NKD1: variants seen among roughly 807,000 people sequenced by gnomAD.
NKD1 encodes the protein protein naked cuticle homolog 1.
A neutral mutation model predicts 56.0 loss-of-function variants in NKD1; 21 were observed. The observed-to-expected ratio is 0.38, with a 90% CI of 0.27 to 0.54. The LOEUF (loss-of-function observed/expected upper bound fraction) is 0.54, where lower values mean the gene tolerates loss of function less well. Ranked by LOEUF, NKD1 falls within the 20% of genes least tolerant of loss-of-function variation. The pLI is 0.82. For synonymous variants in NKD1, 263 were observed against 265.7 expected, an observed-to-expected ratio of 0.99 and a Z score of 0.10; for missense variants, 578 against 642.7, an observed-to-expected ratio of 0.90 and a Z score of 1.09.
At chr16:50,558,755 A>G (rs1461974442) in intron 3 of NKD1, 1 of 152,172 alleles carries the variant, frequency 6.6e-6, no homozygotes, top group East Asian at 1.9e-4. Context: ...AGAAAGAAAA[A>G]AAAAATAGCC....
rs541213318 is a variant in NKD1 at position 50,598,264 on chromosome 16, C to T, written c.193-10030C>T. Among the ~76,000 whole-genome samples, 60 of 102,404 alleles carry T rather than the reference C, an allele frequency of 5.9e-4. No homozygotes were observed. Among genetic ancestry groups the T allele is most frequent in the African/African-American group, 1.4e-3 (27 of 19,278 alleles). 67.2% of individuals were successfully genotyped at this position (102,404 alleles called of 152,430 possible). Reference sequence around the variant, plus strand: ...GTGTGTGTGTGTGTGTGTGTGTGTGCGCGCACACCTGTGCTCATGGACACT... The same window carrying T: ...GTGTGTGTGTGTGTGTGTGTGTGTGTGCGCACACCTGTGCTCATGGACACT... On this transcript the variant is annotated intron_variant, in intron 3 of 9. Coordinates refer to ENST00000268459, the MANE Select transcript of NKD1 (RefSeq NM_033119.5). The surrounding 1 kb of genome is among the most constrained non-coding windows in gnomAD (Gnocchi z 4.2).
At chr16:50,587,818 T>C (rs1353372981) in intron 3 of NKD1, among the ~76,000 whole-genome samples, 3 of 152,062 alleles carry the variant, frequency 2.0e-5, no homozygotes, top group African/African-American at 7.2e-5. Flanking sequence ...AAATCAGCAG[T>C]GGTATTAGAT....
At chr16:50,548,691 G>A (rs1383909293) in intron 1 of NKD1, 26 bp from the exon 2 acceptor site, 2 of 1,463,490 alleles carry the variant, frequency 1.4e-6, no homozygotes, top group East Asian at 3.0e-5. Context: ...TGCCGCCGCC[G>A]CCGCCGCCTC....
intron 3 of NKD1, chr16:50,572,921 G>T: frequency 1.0e-6 from 1 of 976,166 alleles, no homozygotes; most frequent in Non-Finnish European, 1.2e-6. Flanking sequence ...TGCAGAAGAG[G>T]GTGGGAGAGT....
chr16:50,610,173 A>G (rs953886249), intron 4 of NKD1, among the ~76,000 whole-genome samples: 8 of 152,246 alleles, frequency 5.3e-5, no homozygotes, highest in African/African-American at 7.2e-5. Flanking sequence ...TCTATTATCA[A>G]TAATTCAAAA....
At position 50,639,035 on chromosome 16, in the gene NKD1, C is replaced by T. The variant is rs930331283; in HGVS notation, c.*5254C>T. On this transcript the variant is annotated 3_prime_UTR_variant, in exon 10 of 10. Transcript: ENST00000268459. Reference sequence around the variant, plus strand: ...GTCGGGGAGGCAGAGGGGATGCTCACACCAGTAATTCTCATCCCCTGAATG... The same window carrying T: ...GTCGGGGAGGCAGAGGGGATGCTCATACCAGTAATTCTCATCCCCTGAATG... 4 of 152,374 alleles carry T rather than the reference C, an allele frequency of 2.6e-5. No homozygotes were observed. The highest frequency in any genetic ancestry group is 9.6e-5 in the African/African-American group (4 of 41,564). 9.4% of individuals were successfully genotyped at this position (152,374 alleles called of 1,614,324 possible). A position where few individuals can be genotyped will look rare whatever the true frequency, so the allele number is the denominator to read the frequency against.
chr16:50,648,704 A>G lies in NKD1; in HGVS notation c.*14923A>G, dbSNP rs967565916. 6.6e-5 allele frequency: 10 copies of G among 152,182 alleles called. No homozygotes were observed. The highest frequency in any genetic ancestry group is 2.2e-4 in the African/African-American group (9 of 41,442). The allele number at this position is 152,182 out of a possible 1,614,324, so 9.4% of individuals were successfully genotyped here. ...AGTTCTCAGACTCCTTCGCAAATAAATTTTGTGACTAAACTCTAGTCAACA... is the reference window on the plus strand; with the variant it reads ...AGTTCTCAGACTCCTTCGCAAATAAGTTTTGTGACTAAACTCTAGTCAACA... On this transcript the variant is annotated 3_prime_UTR_variant, in exon 10 of 10. Transcript: ENST00000268459.
chr16:50,562,505 A>G (rs1006088438), intron 3 of NKD1, among the ~76,000 whole-genome samples: 5 of 152,266 alleles, frequency 3.3e-5, no homozygotes, highest in Non-Finnish European at 7.3e-5. Context: ...AGGAAACAGC[A>G]TGTGTAGGCA....
chr16:50,632,479 C>T lies in NKD1; in HGVS notation c.823+71C>T. 7 of 1,536,082 alleles carry T rather than the reference C, an allele frequency of 4.6e-6. No homozygotes were observed. Among genetic ancestry groups the T allele is most frequent in the Admixed American group, 1.7e-5 (1 of 59,044 alleles). On this transcript the variant is annotated intron_variant, in intron 9 of 9. Transcript: ENST00000268459. The surrounding 1 kb of genome is among the most constrained non-coding windows in gnomAD (Gnocchi z 4.1). ...GGCTGGACGGGCCAGGCGGGCCGTGCGGGTGGTGTTCACTGCTACCCCAGG... is the reference window on the plus strand; with the variant it reads ...GGCTGGACGGGCCAGGCGGGCCGTGTGGGTGGTGTTCACTGCTACCCCAGG...
chr16:50,647,326 C>A lies in NKD1; in HGVS notation c.*13545C>A, dbSNP rs967294091. The A allele has an allele frequency of 7.9e-5, 12 of 152,350 alleles. 1 individual carries two copies. Among genetic ancestry groups the A allele is most frequent in the Admixed American group, 6.5e-4 (10 of 15,294 alleles). The allele number at this position is 152,350 out of a possible 1,614,324, so 9.4% of individuals were successfully genotyped here. The stretch of plus-strand genomic sequence containing the variant: ...ACTTGTAACATGTCATGGTAGTGGC[C>A]ATCTTGCTACAGCCTGAGGACCACA... On this transcript the variant is annotated 3_prime_UTR_variant, in exon 10 of 10. Transcript: ENST00000268459.
Position 50,646,846 on chromosome 16 carries a change from G to A in NKD1, c.*13065G>A, listed in dbSNP as rs1962690777. 6.6e-6 allele frequency: 1 copy of A among 152,166 alleles called. No homozygotes were observed. Among genetic ancestry groups the A allele is most frequent in the Admixed American group, 6.5e-5 (1 of 15,282 alleles). 9.4% of individuals were successfully genotyped at this position (152,166 alleles called of 1,614,324 possible). ...ATCCTGAAGGGAAGACAGTGGGGTG[G>A]GACATTTCAGATGGCAAAACAGCTG... On this transcript the variant is annotated 3_prime_UTR_variant, in exon 10 of 10. Transcript: ENST00000268459.
chr16:50,589,923 C>G (rs564924357), intron 3 of NKD1, among the ~76,000 whole-genome samples: 1 of 151,876 alleles, frequency 6.6e-6, no homozygotes, highest in African/African-American at 2.4e-5. Flanking sequence ...TCCCAGCTGA[C>G]GGCAGCCTCC....
chr16:50,631,232 A>G (rs1318581769), intron 8 of NKD1, among the ~76,000 whole-genome samples: 1 of 152,146 alleles, frequency 6.6e-6, no homozygotes, highest in Non-Finnish European at 1.5e-5. Context: ...TAAGTGAGAT[A>G]AAGACCGTAA....
At chr16:50,571,366 C>A in intron 3 of NKD1, 1 of 442,006 alleles carries the variant, frequency 2.3e-6, no homozygotes, top group Non-Finnish European at 3.0e-6. Flanking sequence ...GCCGCACAGC[C>A]TGGTGGAACC....
chr16:50,629,757 C>G (rs1406632352), intron 6 of NKD1, among the ~76,000 whole-genome samples: 1 of 152,106 alleles, frequency 6.6e-6, no homozygotes, highest in Admixed American at 6.5e-5. Context: ...GAGTGAGACC[C>G]CCATCTCAAA....
chr16:50,572,597 CAG>C (rs1467648878), intron 3 of NKD1, among the ~76,000 whole-genome samples: 3 of 152,092 alleles, frequency 2.0e-5, no homozygotes, highest in East Asian at 3.9e-4. Flanking sequence ...TGCTCTAACT[CAG>C]GGGAGGCGGC....
Position 50,590,828 on chromosome 16 carries a change from TTG to T in NKD1, c.193-17464_193-17463del, listed in dbSNP as rs1961350574. ...GCATTAAGCCTTTTTTTTGTTGTTG[TTG>T]TTGTTGAGATGGAGTCTCACTTTGT... On this transcript the variant is annotated intron_variant, in intron 3 of 9. Coordinates refer to ENST00000268459, the MANE Select transcript of NKD1 (RefSeq NM_033119.5). Among the ~76,000 whole-genome samples the T allele has an allele frequency of 2.6e-5, 4 of 152,276 alleles. No individual in the cohort carries two copies. In the East Asian group the frequency reaches 7.7e-4, roughly 29 times the overall value.
At position 50,642,615 on chromosome 16, in the gene NKD1, T is replaced by C. The variant is rs1371971691; in HGVS notation, c.*8834T>C. 6.6e-6 allele frequency: 1 copy of C among 152,250 alleles called. No individual in the cohort carries two copies. The allele number at this position is 152,250 out of a possible 1,614,324, so 9.4% of individuals were successfully genotyped here. On this transcript the variant is annotated 3_prime_UTR_variant, in exon 10 of 10. Coordinates refer to ENST00000268459, the MANE Select transcript of NKD1 (RefSeq NM_033119.5). ...ACCTTACTGAGCTGTTATGAGTAAA[T>C]GATCCAGTGGGCGTGAAGCGTTCAG...
At chr16:50,563,597 AC>A (rs1440071757) in intron 3 of NKD1, among the ~76,000 whole-genome samples, 5 of 150,420 alleles carry the variant, frequency 3.3e-5, no homozygotes, top group African/African-American at 9.8e-5. Context: ...CTCAGTGGGC[AC>A]AGCCCTGGAT....
Sources: allele counts gnomAD v4.1 joint callset (sites outside exome capture counted in the v4.1 genomes callset), GRCh38; gene constraint gnomAD v4.1.1; non-coding constraint Gnocchi (gnomAD v3.1); transcripts MANE v1.5; gene names NCBI Gene and HGNC (gene_info 2026-07-23, HGNC 2026-07-21).